The following THADA variants were observed in gnomAD, a reference collection of about 807,000 sequenced individuals.
THADA encodes the protein tRNA (32-2'-O)-methyltransferase regulator THADA.
THADA carries 213 observed loss-of-function variants against 219.8 expected under a neutral mutation model. The observed-to-expected ratio is 0.97, with a 90% CI of 0.87 to 1.09. THADA has a LOEUF of 1.09. Ranked by LOEUF, THADA falls within the 50% of genes least tolerant of loss-of-function variation. The pLI is 0.00. For synonymous variants in THADA, 1,018 were observed against 828.9 expected, an observed-to-expected ratio of 1.23 and a Z score of -3.92; for missense variants, 2,956 against 2,311.3, an observed-to-expected ratio of 1.28 and a Z score of -5.72.
intron 29 of THADA, among the ~76,000 whole-genome samples, chr2:43,366,572 T>G (rs1385373325): frequency 6.6e-6 from 1 of 152,080 alleles, no homozygotes. Flanking sequence ...TGGAGGAATA[T>G]AAATAGGAAA....
chr2:43,539,539 G>C (rs993285520), intron 21 of THADA, among the ~76,000 whole-genome samples: 1 of 152,170 alleles, frequency 6.6e-6, no homozygotes, highest in Non-Finnish European at 1.5e-5. Flanking sequence ...GCAATACGAA[G>C]AATCAAGTTT....
chr2:43,339,287 A>G (rs1222220993), intron 30 of THADA, among the ~76,000 whole-genome samples: 1 of 152,176 alleles, frequency 6.6e-6, no homozygotes, highest in African/African-American at 2.4e-5. Flanking sequence ...GCATTCATTC[A>G]TTCATTTTCT....
rs768385428 is a variant in THADA at position 43,586,435 on chromosome 2, G to A, written c.499C>T (p.Gln167Ter). Residue 167 changes from glutamine to a stop codon, truncating the protein, a stop_gained, in exon 7 of 38, where the codon CAG becomes TAG. Coordinates refer to ENST00000405975, the MANE Select transcript of THADA (RefSeq NM_022065.5). LOFTEE classifies it high-confidence loss of function. ...NLLKNVLHFL[Q>*]KSLIEILEEN... Reference sequence around the variant, plus strand: ...TCCAGGATTTCAATTAAACTCTTCTGCAGAAAATGAAGCACTGAAACAAAA... The same window carrying A: ...TCCAGGATTTCAATTAAACTCTTCTACAGAAAATGAAGCACTGAAACAAAA... 1.3e-6 allele frequency: 2 copies of A among 1,579,430 alleles called. No individual in the cohort carries two copies. Among genetic ancestry groups the A allele is most frequent in the Non-Finnish European group, 1.7e-6 (2 of 1,163,620 alleles).
intron 36 of THADA, among the ~76,000 whole-genome samples, chr2:43,233,551 G>A (rs906881529): frequency 2.6e-5 from 4 of 152,164 alleles, no homozygotes; most frequent in Non-Finnish European, 5.9e-5. Context: ...AAAGCAGGTG[G>A]TAGGCTGCAT....
At chr2:43,363,600 T>C (rs1313985467) in intron 29 of THADA, among the ~76,000 whole-genome samples, 1 of 152,232 alleles carries the variant, frequency 6.6e-6, no homozygotes, top group African/African-American at 2.4e-5. Flanking sequence ...CAACTTTGGT[T>C]ATCACTGGTC....
intron 17 of THADA, among the ~76,000 whole-genome samples, chr2:43,555,396 G>GTATATATA (rs371073432): frequency 6.7e-6 from 1 of 148,554 alleles, no homozygotes; most frequent in African/African-American, 2.5e-5. Context: ...TATATTACAT[G>GTATATATA]TATATATATA....
chr2:43,443,922 C>T (rs1245180574), intron 26 of THADA, among the ~76,000 whole-genome samples: 1 of 151,846 alleles, frequency 6.6e-6, no homozygotes, highest in Non-Finnish European at 1.5e-5. Flanking sequence ...CAAGGCAACC[C>T]TTGGCATGAT....
intron 26 of THADA, among the ~76,000 whole-genome samples, chr2:43,470,545 G>A (rs1684790797): frequency 6.6e-6 from 1 of 152,100 alleles, no homozygotes; most frequent in African/African-American, 2.4e-5. Context: ...GCGAAAAAGG[G>A]AGGATACAAA....
At chr2:43,349,023 A>C (rs1270729190) in intron 29 of THADA, among the ~76,000 whole-genome samples, 1 of 152,124 alleles carries the variant, frequency 6.6e-6, no homozygotes, top group African/African-American at 2.4e-5. Flanking sequence ...GATGGTTATG[A>C]CCCAATCAGA....
intron 24 of THADA, among the ~76,000 whole-genome samples, chr2:43,499,613 G>A (rs1384565872): frequency 6.6e-6 from 1 of 152,160 alleles, no homozygotes; most frequent in Non-Finnish European, 1.5e-5. Context: ...CTGATCTCAG[G>A]TGATCCACCT....
At chr2:43,557,432 A>G (rs1697507852) in intron 16 of THADA, among the ~76,000 whole-genome samples, 1 of 152,032 alleles carries the variant, frequency 6.6e-6, no homozygotes, top group East Asian at 1.9e-4. Context: ...CCTCCTTCCT[A>G]TACAGGTAGT....
At chr2:43,495,582 G>A (rs1000994001) in intron 25 of THADA, among the ~76,000 whole-genome samples, 2 of 151,772 alleles carry the variant, frequency 1.3e-5, no homozygotes, top group Non-Finnish European at 2.9e-5. Flanking sequence ...TTTCTGCAGT[G>A]CACATGTATT....
chr2:43,508,134 G>C (rs933563446), intron 23 of THADA, among the ~76,000 whole-genome samples: 5 of 152,146 alleles, frequency 3.3e-5, no homozygotes, highest in African/African-American at 1.2e-4. Flanking sequence ...GATGATAATA[G>C]GGTACAGGGA....
At chr2:43,309,831 T>A (rs1677283865) in intron 31 of THADA, among the ~76,000 whole-genome samples, 2 of 152,142 alleles carry the variant, frequency 1.3e-5, no homozygotes, top group South Asian at 4.1e-4. Flanking sequence ...GAGTCCACAA[T>A]AGAACCTATT....
At chr2:43,399,811 A>G (rs1406266109) in intron 28 of THADA, among the ~76,000 whole-genome samples, 1 of 149,046 alleles carries the variant, frequency 6.7e-6, no homozygotes, top group Non-Finnish European at 1.5e-5. Flanking sequence ...ATGCAGAAAA[A>G]TGTTTGCTTT....
intron 30 of THADA, among the ~76,000 whole-genome samples, chr2:43,321,264 A>G (rs1349150056): frequency 6.6e-6 from 1 of 152,192 alleles, no homozygotes; most frequent in Non-Finnish European, 1.5e-5. Flanking sequence ...TTGGTGTACT[A>G]ATAATACAAT....
intron 36 of THADA, among the ~76,000 whole-genome samples, chr2:43,270,840 T>C (rs1672035001): frequency 6.6e-6 from 1 of 152,124 alleles, no homozygotes; most frequent in South Asian, 2.1e-4. Context: ...GCCAGAGTGA[T>C]GCCATGAGAC....
chr2:43,483,934 C>T (rs1310813731), intron 26 of THADA, among the ~76,000 whole-genome samples: 2 of 151,842 alleles, frequency 1.3e-5, no homozygotes, highest in Non-Finnish European at 2.9e-5. Flanking sequence ...CTGTAGCACA[C>T]TGGAGAATTA....
chr2:43,291,510 T>C (rs1483127871), intron 34 of THADA, among the ~76,000 whole-genome samples, 186 bp downstream of exon 34: 1 of 118,688 alleles, frequency 8.4e-6, no homozygotes, highest in Non-Finnish European at 1.8e-5. Context: ...AGAAAGGTGG[T>C]GTCCAAAGAA....
Sources: gnomAD v4.1 joint callset for allele counts (sites outside exome capture counted in the v4.1 genomes callset) on GRCh38, gnomAD v4.1.1 for gene constraint, MANE v1.5 for transcripts, NCBI Gene and HGNC (gene_info 2026-07-23, HGNC 2026-07-21) for gene names.